Variants in PCDH9 observed in about 807,000 individuals in gnomAD.
The protein encoded by PCDH9 is protocadherin-9.
Under a neutral mutation model 70.6 loss-of-function variants are expected in PCDH9, and 24 were observed. That is an observed-to-expected ratio of 0.34 (90% CI 0.25 to 0.48). The LOEUF is 0.48. Ranked by LOEUF, PCDH9 falls within the 20% of genes least tolerant of loss-of-function variation. PCDH9 has a pLI of 0.99. For synonymous variants in PCDH9, 562 were observed against 558.5 expected (o/e 1.01, Z -0.09); for missense variants, 1,281 against 1,503.6 (o/e 0.85, Z 2.45).
chr13:66,974,866 T>C (rs2083587431), intron 2 of PCDH9, among the ~76,000 whole-genome samples: 1 of 152,038 alleles, frequency 6.6e-6, no homozygotes. Flanking sequence ...TGCAGTACGA[T>C]ATGAACTATT....
chr13:66,356,959 G>A (rs1593851560), intron 4 of PCDH9, among the ~76,000 whole-genome samples: 2 of 152,058 alleles, frequency 1.3e-5, no homozygotes, highest in Non-Finnish European at 2.9e-5. Flanking sequence ...GAAAAAGCAA[G>A]CCCGGCAATG....
chr13:67,078,952 G>T lies in PCDH9; in HGVS notation c.3036+146453C>A, dbSNP rs984594833. On this transcript the variant is annotated intron_variant, in intron 2 of 4. Coordinates refer to ENST00000377865, the MANE Select transcript of PCDH9 (RefSeq NM_203487.3). ...CAGTCTGGACCTAGTCTACAAATCAGAAACTAAGAAAATGGCAGTTTATAG... is the reference window on the plus strand; with the variant it reads ...CAGTCTGGACCTAGTCTACAAATCATAAACTAAGAAAATGGCAGTTTATAG... Among the ~76,000 whole-genome samples the T allele has an allele frequency of 3.3e-5, 5 of 152,030 alleles. No homozygotes were observed. The East Asian group carries it at 9.6e-4, about 29-fold the overall frequency.
chr13:66,471,107 C>T (rs574884072), intron 4 of PCDH9, among the ~76,000 whole-genome samples: 75 of 151,956 alleles, frequency 4.9e-4, no homozygotes, highest in African/African-American at 1.8e-3. Flanking sequence ...AGAACGCTTG[C>T]CTAGAGCTTT....
At chr13:66,561,004 G>A (rs1961990162) in intron 4 of PCDH9, among the ~76,000 whole-genome samples, 1 of 152,240 alleles carries the variant, frequency 6.6e-6, no homozygotes, top group Non-Finnish European at 1.5e-5. Context: ...CACTGTGGGA[G>A]CCCCTTTCTG....
intron 2 of PCDH9, among the ~76,000 whole-genome samples, chr13:67,111,223 G>A (rs1283310108): frequency 1.3e-5 from 2 of 152,112 alleles, no homozygotes; most frequent in Non-Finnish European, 2.9e-5. Flanking sequence ...ATCAAATTAA[G>A]TACTTAAACC....
At chr13:66,515,992 T>C (rs1158289662) in intron 4 of PCDH9, among the ~76,000 whole-genome samples, 2 of 152,006 alleles carry the variant, frequency 1.3e-5, no homozygotes, top group Non-Finnish European at 2.9e-5. Flanking sequence ...CCCATACCCA[T>C]TGGCTTTGCT....
chr13:67,127,724 A>G (rs1280935480), intron 2 of PCDH9, among the ~76,000 whole-genome samples: 2 of 149,850 alleles, frequency 1.3e-5, no homozygotes, highest in Non-Finnish European at 3.0e-5. Context: ...GTACATATGT[A>G]TATATATATT....
chr13:66,871,097 A>G (rs1452710771), intron 3 of PCDH9, among the ~76,000 whole-genome samples: 8 of 152,002 alleles, frequency 5.3e-5, no homozygotes, highest in Non-Finnish European at 1.0e-4. Flanking sequence ...AGGGACATGG[A>G]TGAAATTGGA....
chr13:66,362,730 A>G (rs941939121), intron 4 of PCDH9, among the ~76,000 whole-genome samples: 1 of 151,848 alleles, frequency 6.6e-6, no homozygotes, highest in Admixed American at 6.6e-5. Flanking sequence ...GTGTGTGTGC[A>G]TCTGATTCTG....
chr13:66,548,195 C>T (rs1961302407), intron 4 of PCDH9, among the ~76,000 whole-genome samples: 1 of 151,958 alleles, frequency 6.6e-6, no homozygotes, highest in African/African-American at 2.4e-5. Flanking sequence ...TTCAAATTGT[C>T]ACTCCATTTA....
chr13:66,454,770 A>G (rs1386633062), intron 4 of PCDH9, among the ~76,000 whole-genome samples: 4 of 152,164 alleles, frequency 2.6e-5, no homozygotes, highest in Non-Finnish European at 5.9e-5. Flanking sequence ...AATTAGTCCT[A>G]TGAGCTTTTT....
chr13:66,649,205 G>A (rs752875927), intron 3 of PCDH9, among the ~76,000 whole-genome samples: 4 of 152,016 alleles, frequency 2.6e-5, no homozygotes, highest in South Asian at 4.1e-4. Context: ...AGTAAAATAA[G>A]GTTATATCAG....
chr13:66,980,079 TCTATCTA>T (rs2083708214), intron 2 of PCDH9, among the ~76,000 whole-genome samples: 2 of 30,776 alleles, frequency 6.5e-5, no homozygotes, highest in African/African-American at 3.1e-4. Context: ...ATTATCCATC[TCTATCTA>T]TCTATCTATC....
At chr13:66,762,042 T>C (rs1441374659) in intron 3 of PCDH9, among the ~76,000 whole-genome samples, 2 of 152,074 alleles carry the variant, frequency 1.3e-5, no homozygotes, top group South Asian at 4.1e-4. Context: ...ACAGTAAGCT[T>C]GTCCAGAGAT....
intron 3 of PCDH9, among the ~76,000 whole-genome samples, chr13:66,634,310 G>T (rs1207017474): frequency 6.6e-6 from 1 of 152,160 alleles, no homozygotes; most frequent in Non-Finnish European, 1.5e-5. Flanking sequence ...GCAAATTGAT[G>T]AAACAAACCC....
intron 2 of PCDH9, among the ~76,000 whole-genome samples, chr13:66,906,439 G>C (rs906068823): frequency 6.6e-6 from 1 of 152,152 alleles, no homozygotes; most frequent in Admixed American, 6.5e-5. Flanking sequence ...CTTAATATAA[G>C]GGCCAACAGT....
intron 4 of PCDH9, among the ~76,000 whole-genome samples, chr13:66,525,786 C>CTTAA (rs1430726803): frequency 2.6e-5 from 4 of 152,138 alleles, no homozygotes; most frequent in Non-Finnish European, 5.9e-5. Flanking sequence ...TAAGAATCAG[C>CTTAA]GTGGCCAAAA....
chr13:67,118,383 G>A (rs1017933499), intron 2 of PCDH9, among the ~76,000 whole-genome samples: 14 of 152,098 alleles, frequency 9.2e-5, no homozygotes, highest in Admixed American at 5.9e-4. Context: ...GTATTTTTTG[G>A]TAGCAGTCTG....
chr13:67,084,541 G>T (rs1001021460), intron 2 of PCDH9, among the ~76,000 whole-genome samples: 24 of 152,112 alleles, frequency 1.6e-4, no homozygotes, highest in African/African-American at 5.1e-4. Context: ...GGGAGGTCAG[G>T]ACTTAACCAT....
Sources: gnomAD v4.1 joint callset for allele counts (sites outside exome capture counted in the v4.1 genomes callset) on GRCh38, gnomAD v4.1.1 for gene constraint, MANE v1.5 for transcripts, NCBI Gene and HGNC (gene_info 2026-07-23, HGNC 2026-07-21) for gene names.